ITGA8: variants seen among roughly 807,000 people sequenced by gnomAD.
ITGA8 encodes integrin alpha-8.
ITGA8 carries 91 observed loss-of-function variants against 142.3 expected under a neutral mutation model. That is an observed-to-expected ratio of 0.64 (90% confidence interval 0.54 to 0.76). The LOEUF (loss-of-function observed/expected upper bound fraction) is 0.76. Ranked by LOEUF, ITGA8 falls within the 30% of genes least tolerant of loss-of-function variation. The probability of loss-of-function intolerance (pLI) is 0.00; values close to 1 mark genes in which losing one functional copy is unlikely to be tolerated. For synonymous variants in ITGA8, 505 were observed against 485.2 expected, an observed-to-expected ratio of 1.04 and a Z score of -0.54; for missense variants, 1,406 against 1,327.7, an observed-to-expected ratio of 1.06 and a Z score of -0.92.
chr10:15,539,922 CTTG>C (rs922656637), intron 27 of ITGA8, among the ~76,000 whole-genome samples: 3 of 152,090 alleles, frequency 2.0e-5, no homozygotes, highest in African/African-American at 4.8e-5. Flanking sequence ...CCCTACTGTT[CTTG>C]TTGTAAGTCT....
chr10:15,701,906 A>T (rs985194474), intron 2 of ITGA8, among the ~76,000 whole-genome samples: 1 of 152,212 alleles, frequency 6.6e-6, no homozygotes, highest in Non-Finnish European at 1.5e-5. Flanking sequence ...TTATGCTATA[A>T]AAGTTTCTAA....
At chr10:15,652,727 T>A (rs547222830) in intron 11 of ITGA8, among the ~76,000 whole-genome samples, 1 of 152,220 alleles carries the variant, frequency 6.6e-6, no homozygotes, top group East Asian at 1.9e-4. Flanking sequence ...AGATTGACAT[T>A]CAACTATAAC....
At chr10:15,696,355 C>A (rs898023073) in intron 2 of ITGA8, among the ~76,000 whole-genome samples, 4 of 151,960 alleles carry the variant, frequency 2.6e-5, no homozygotes, top group African/African-American at 7.2e-5. Flanking sequence ...AAACGAAAAC[C>A]AAAGTGAAAA....
intron 9 of ITGA8, 84 bp from the exon 10 acceptor site, chr10:15,659,139 A>C (rs924319745): frequency 1.0e-5 from 9 of 896,906 alleles, no homozygotes; most frequent in Non-Finnish European, 1.4e-5. Context: ...AATCATTTAA[A>C]ATTTTTTGTA....
At chr10:15,558,592 T>C (rs1213378241) in intron 25 of ITGA8, among the ~76,000 whole-genome samples, 1 of 152,164 alleles carries the variant, frequency 6.6e-6, no homozygotes, top group Admixed American at 6.6e-5. Flanking sequence ...ACGTTCTGTA[T>C]GGGGAGATGA....
At chr10:15,696,685 T>C (rs1367970335) in intron 2 of ITGA8, among the ~76,000 whole-genome samples, 3 of 151,996 alleles carry the variant, frequency 2.0e-5, no homozygotes, top group African/African-American at 7.3e-5. Flanking sequence ...GATCAAAAAA[T>C]TGTTTCAGTA....
intron 23 of ITGA8, among the ~76,000 whole-genome samples, chr10:15,585,259 G>A (rs995881018): frequency 6.6e-6 from 1 of 152,186 alleles, no homozygotes; most frequent in South Asian, 2.1e-4. Context: ...GAGCTCTGGA[G>A]ACAGTTGCCT....
intron 27 of ITGA8, among the ~76,000 whole-genome samples, chr10:15,534,218 A>G (rs1833371340): frequency 6.6e-6 from 1 of 151,924 alleles, no homozygotes; most frequent in African/African-American, 2.4e-5. Context: ...CCTCATCACC[A>G]ATCTTGACTG....
chr10:15,645,274 C>G (rs565099440), intron 12 of ITGA8, among the ~76,000 whole-genome samples: 98 of 152,194 alleles, frequency 6.4e-4, no homozygotes, highest in Non-Finnish European at 1.1e-3. Context: ...ATTTTACCTA[C>G]TTTGTATACT....
chr10:15,715,030 C>T (rs1378975888), intron 2 of ITGA8, among the ~76,000 whole-genome samples: 1 of 152,184 alleles, frequency 6.6e-6, no homozygotes, highest in African/African-American at 2.4e-5. Context: ...ATGCCTGACA[C>T]ATCACACTCC....
intron 2 of ITGA8, among the ~76,000 whole-genome samples, chr10:15,696,160 A>G (rs116657137): frequency 0.01 from 1,531 of 152,246 alleles, 25 homozygotes; most frequent in African/African-American, 0.035. Context: ...AGGACTGTCA[A>G]CCCCACAGAA....
rs187910259 is a variant in ITGA8, at chr10:15,711,929, A to G, written c.343+6837T>C. ...TGAGGTGGAGCTCCACTCCTTCCAG[A>G]CCATCTAGTGACATTCATCTAAGAG... On this transcript the variant is annotated intron_variant, in intron 2 of 29. Transcript: ENST00000378076. Among the ~76,000 whole-genome samples the G allele has an allele frequency of 1.7e-4, 26 of 152,316 alleles. No homozygotes were observed. The East Asian group carries it at 3.9e-3, about 23-fold the overall frequency.
intron 2 of ITGA8, among the ~76,000 whole-genome samples, chr10:15,716,998 G>A (rs1050357425): frequency 4.6e-5 from 7 of 152,164 alleles, no homozygotes; most frequent in African/African-American, 1.7e-4. Context: ...TTTTCAGTTA[G>A]GAGTGGTCAG....
At chr10:15,523,843 A>C (rs572179694) in intron 28 of ITGA8, among the ~76,000 whole-genome samples, 1 of 151,860 alleles carries the variant, frequency 6.6e-6, no homozygotes, top group South Asian at 2.1e-4. Flanking sequence ...GAGGCAGGAG[A>C]ATCACCTGAA....
chr10:15,666,330 G>T (rs1302463236), intron 8 of ITGA8, among the ~76,000 whole-genome samples: 3 of 152,188 alleles, frequency 2.0e-5, no homozygotes, highest in South Asian at 2.1e-4. Context: ...GTCTGTTATT[G>T]GTGTATAAGA....
intron 2 of ITGA8, among the ~76,000 whole-genome samples, chr10:15,690,651 C>A (rs189307401): frequency 6.6e-6 from 1 of 152,174 alleles, no homozygotes; most frequent in African/African-American, 2.4e-5. Context: ...AGAGGGATCT[C>A]CTTGGCTATG....
At chr10:15,522,415 A>G (rs1391175812) in intron 28 of ITGA8, among the ~76,000 whole-genome samples, 1 of 152,192 alleles carries the variant, frequency 6.6e-6, no homozygotes, top group African/African-American at 2.4e-5. Flanking sequence ...AGATGAACAT[A>G]ATATTGCTGG....
chr10:15,607,079 A>G (rs1291978645), intron 17 of ITGA8, among the ~76,000 whole-genome samples: 1 of 152,192 alleles, frequency 6.6e-6, no homozygotes, highest in Non-Finnish European at 1.5e-5. Context: ...GATCTTCCCT[A>G]GGGTGGTCCT....
chr10:15,710,325 T>C (rs1411196949), intron 2 of ITGA8, among the ~76,000 whole-genome samples: 1 of 152,236 alleles, frequency 6.6e-6, no homozygotes, highest in Non-Finnish European at 1.5e-5. Context: ...TTAATGGTTA[T>C]ATAATATTTA....
Sources: gnomAD v4.1 joint callset for allele counts (sites outside exome capture counted in the v4.1 genomes callset) on GRCh38, gnomAD v4.1.1 for gene constraint, MANE v1.5 for transcripts, NCBI Gene and HGNC (gene_info 2026-07-23, HGNC 2026-07-21) for gene names.